Variants in SMYD1 observed in about 807,000 individuals in gnomAD.
The protein encoded by SMYD1 is SET and MYND domain containing 1, also known as histone-lysine N-methyltransferase SMYD1.
Under a neutral mutation model 54.0 loss-of-function variants are expected in SMYD1, and 49 were observed. That is an observed-to-expected ratio of 0.91 (90% CI 0.72 to 1.15). The LOEUF (loss-of-function observed/expected upper bound fraction) is 1.15, where lower values mean the gene tolerates loss of function less well. Among genes scored for constraint, SMYD1 ranks in the 50% most tolerant of loss-of-function variants. The pLI is 0.00. For synonymous variants in SMYD1, 269 were observed against 234.2 expected (o/e 1.15, Z -1.36); for missense variants, 653 against 639.6 (o/e 1.02, Z -0.23).
chr2:88,076,501 ACGT>A (rs1674067807), intron 1 of SMYD1, among the ~76,000 whole-genome samples: 1 of 152,060 alleles, frequency 6.6e-6, no homozygotes, highest in Non-Finnish European at 1.5e-5. Flanking sequence ...GGGATTACAG[ACGT>A]GAGCCACCGC....
At chr2:88,086,850 A>G (rs1488134839) in intron 2 of SMYD1, among the ~76,000 whole-genome samples, 1 of 144,508 alleles carries the variant, frequency 6.9e-6, no homozygotes, top group African/African-American at 2.6e-5. Flanking sequence ...TTTTTTTATT[A>G]TACTTTAAGT....
At chr2:88,094,463 G>T (rs1470680997) in intron 5 of SMYD1, among the ~76,000 whole-genome samples, 2 of 152,168 alleles carry the variant, frequency 1.3e-5, no homozygotes, top group African/African-American at 2.4e-5. Context: ...CCAGAGTGGG[G>T]ATGAAGCTTG....
chr2:88,084,670 T>G (rs1674280825), intron 2 of SMYD1, among the ~76,000 whole-genome samples, 178 bp downstream of exon 2: 1 of 152,222 alleles, frequency 6.6e-6, no homozygotes, highest in South Asian at 2.1e-4. Flanking sequence ...GAGAACTGGC[T>G]GTTGACAGCA....
intron 7 of SMYD1, among the ~76,000 whole-genome samples, chr2:88,106,018 A>G (rs1674859653): frequency 6.6e-6 from 1 of 152,026 alleles, no homozygotes; most frequent in Non-Finnish European, 1.5e-5. Context: ...CTGACTGTAC[A>G]TATATGTGTG....
At chr2:88,104,474 G>C (rs112152954) in intron 7 of SMYD1, among the ~76,000 whole-genome samples, 5 of 152,304 alleles carry the variant, frequency 3.3e-5, no homozygotes, top group African/African-American at 1.2e-4. Flanking sequence ...GCTGGAGTGA[G>C]CAGGAGGGCC....
intron 1 of SMYD1, among the ~76,000 whole-genome samples, chr2:88,079,595 G>T (rs1029824779): frequency 1.3e-5 from 2 of 152,164 alleles, no homozygotes; most frequent in African/African-American, 4.8e-5. Context: ...GCCAAGGTGG[G>T]CAGATCACGA....
At position 88,111,763 on chromosome 2, in the gene SMYD1, T is replaced by C. The variant is rs1370895048; in HGVS notation, c.*1251T>C. On this transcript the variant is annotated 3_prime_UTR_variant, in exon 10 of 10. Transcript: ENST00000419482. The stretch of plus-strand genomic sequence containing the variant: ...ATCAACCAGTCCCAAGATTAGCCTG[T>C]TATCCTGTTATCTACTGAGACCCCA... The C allele has an allele frequency of 3.1e-5, 9 of 288,214 alleles. No individual in the cohort carries two copies. Among genetic ancestry groups the C allele is most frequent in the South Asian group, 2.1e-4 (3 of 14,542 alleles). The allele number at this position is 288,214 out of a possible 1,614,324, so 17.9% of individuals were successfully genotyped here. A position where few individuals can be genotyped will look rare whatever the true frequency, so the allele number is the denominator to read the frequency against.
At chr2:88,076,018 C>T (rs1241271158) in intron 1 of SMYD1, among the ~76,000 whole-genome samples, 2 of 152,174 alleles carry the variant, frequency 1.3e-5, no homozygotes. Flanking sequence ...GCCTATCTCT[C>T]GAGGTCAGAA....
intron 7 of SMYD1, among the ~76,000 whole-genome samples, chr2:88,103,647 C>T (rs1382294428): frequency 2.0e-5 from 3 of 152,116 alleles, no homozygotes; most frequent in Admixed American, 6.5e-5. Flanking sequence ...CCACTCAGGA[C>T]AATTTCACCA....
chr2:88,106,236 TTGTC>T, intron 7 of SMYD1, 85 bp from the exon 8 acceptor site: 1 of 1,511,098 alleles, frequency 6.6e-7, no homozygotes, highest in Non-Finnish European at 9.0e-7. Flanking sequence ...AAAAGAATGA[TTGTC>T]TGGTATCACC....
chr2:88,103,443 C>T (rs923466460), intron 7 of SMYD1, among the ~76,000 whole-genome samples: 4 of 152,086 alleles, frequency 2.6e-5, no homozygotes, highest in African/African-American at 7.2e-5. Flanking sequence ...AACCTGGTAT[C>T]GGAGATGGGG....
At chr2:88,096,040 A>C (rs893727505) in intron 5 of SMYD1, among the ~76,000 whole-genome samples, 1 of 152,186 alleles carries the variant, frequency 6.6e-6, no homozygotes, top group Non-Finnish European at 1.5e-5. Flanking sequence ...ATTTGCCTTC[A>C]GTGATCTCCA....
At chr2:88,085,045 C>T (rs529837550) in intron 2 of SMYD1, among the ~76,000 whole-genome samples, 3 of 151,898 alleles carry the variant, frequency 2.0e-5, no homozygotes, top group Admixed American at 6.6e-5. Context: ...CCACCATGCC[C>T]GGACAAGGGG....
chr2:88,091,575 T>C (rs1261494843), intron 4 of SMYD1, among the ~76,000 whole-genome samples: 1 of 152,192 alleles, frequency 6.6e-6, no homozygotes, highest in African/African-American at 2.4e-5. Flanking sequence ...CAGGGACTGG[T>C]GGCTCATGCC....
chr2:88,109,993 T>G (rs1471311148), intron 9 of SMYD1, among the ~76,000 whole-genome samples: 1 of 152,198 alleles, frequency 6.6e-6, no homozygotes, highest in Non-Finnish European at 1.5e-5. Context: ...GTGAGAAAAC[T>G]GACGGCTGAA....
chr2:88,110,385 G>T lies in SMYD1; in HGVS notation c.1346G>T (p.Arg449Leu). 1 of 1,612,848 alleles carries T rather than the reference G, an allele frequency of 6.2e-7. No homozygotes were observed. ...AMRVQTEMEL[R>L]MFRQNEFMYY... ...CGGGTGCAGACGGAGATGGAGCTAC[G>T]CATGTTCCGCCAGAACGAATTCATG... The change falls in exon 10 of 10, where the codon CGC becomes CTC. Residue 449 changes from arginine to leucine, a missense_variant. Transcript: ENST00000419482.
chr2:88,091,480 A>G (rs1278816851), intron 4 of SMYD1, among the ~76,000 whole-genome samples: 1 of 152,198 alleles, frequency 6.6e-6, no homozygotes, highest in East Asian at 1.9e-4. Flanking sequence ...ATCAGGAGGC[A>G]CACTCAAAAG....
chr2:88,098,604 T>C lies in SMYD1; in HGVS notation c.888+1820T>C, dbSNP rs13404875. On this transcript the variant is annotated intron_variant, in intron 6 of 9. Transcript: ENST00000419482. ...ATATCTTTTTAAAAGCAAATGCTTC[T>C]TCAGGCATTAAAAAAAGGCCATCAT... Among the ~76,000 whole-genome samples the C allele has an allele frequency of 7.9e-3, 1,203 of 152,284 alleles. 14 individuals carry two copies. The highest frequency in any genetic ancestry group is 0.027 in the African/African-American group (1,120 of 41,548).
chr2:88,084,901 C>T (rs532161297), intron 2 of SMYD1, among the ~76,000 whole-genome samples: 40 of 152,270 alleles, frequency 2.6e-4, no homozygotes, highest in Admixed American at 6.5e-4. Flanking sequence ...CAGGCACACA[C>T]CTCCACATCT....
Sources: gnomAD v4.1 joint callset for allele counts (sites outside exome capture counted in the v4.1 genomes callset) on GRCh38, gnomAD v4.1.1 for gene constraint, MANE v1.5 for transcripts, NCBI Gene and HGNC (gene_info 2026-07-23, HGNC 2026-07-21) for gene names.